Variants in MED13 observed in about 807,000 individuals in gnomAD.
MED13 encodes mediator of RNA polymerase II transcription subunit 13.
Under a neutral mutation model 225.2 loss-of-function variants are expected in MED13, and 23 were observed. The observed-to-expected ratio is 0.10, with a 90% CI of 0.07 to 0.14. MED13 has a LOEUF of 0.14. MED13 is among the 10% of genes least tolerant of loss of function. The pLI is 1.00. For synonymous variants in MED13, 942 were observed against 889.2 expected, an observed-to-expected ratio of 1.06 and a Z score of -1.06; for missense variants, 2,197 against 2,594.5, an observed-to-expected ratio of 0.85 and a Z score of 3.33.
At chr17:62,029,467 T>C in intron 8 of MED13, 74 bp downstream of exon 8, 1 of 1,120,060 alleles carries the variant, frequency 8.9e-7, no homozygotes, top group East Asian at 2.4e-5. Flanking sequence ...CTGTTTCAAA[T>C]AAAGTGGGCA....
At chr17:62,023,278 T>C (rs1377993548) in intron 8 of MED13, among the ~76,000 whole-genome samples, 4 of 152,216 alleles carry the variant, frequency 2.6e-5, no homozygotes, top group Non-Finnish European at 5.9e-5. Flanking sequence ...TCCAGACCTA[T>C]CTTTCACACA....
chr17:62,057,103 G>A (rs912624592), intron 2 of MED13, among the ~76,000 whole-genome samples: 11 of 151,950 alleles, frequency 7.2e-5, no homozygotes, highest in East Asian at 1.9e-4. Flanking sequence ...ATATCTCCAC[G>A]GTGGTAAAAA....
At chr17:61,979,182 T>C (rs1215044959) in intron 16 of MED13, among the ~76,000 whole-genome samples, 1 of 152,240 alleles carries the variant, frequency 6.6e-6, no homozygotes, top group African/African-American at 2.4e-5. Context: ...CTTCTGGGAC[T>C]TGTTCCCTCT....
intron 13 of MED13, 31 bp downstream of exon 13, chr17:61,984,969 T>C (rs1280646273): frequency 1.2e-6 from 2 of 1,607,220 alleles, no homozygotes; most frequent in African/African-American, 2.7e-5. Context: ...AGTTCGCAAA[T>C]TTATCTCGAG....
intron 9 of MED13, among the ~76,000 whole-genome samples, chr17:61,997,666 A>C (rs1243589439): frequency 1.3e-5 from 2 of 152,198 alleles, no homozygotes; most frequent in African/African-American, 4.8e-5. Context: ...TGGCAAAGTC[A>C]GAAATGAAAA....
At position 61,944,099 on chromosome 17, in the gene MED13, T is replaced by C. The variant is rs2079834549; in HGVS notation, c.*2369A>G. ...TATGAAGGGAAGAAAAAAAATCTTA[T>C]CAATAAATCCTGTATATTTGGGAAC... On this transcript the variant is annotated 3_prime_UTR_variant, in exon 30 of 30. Transcript: ENST00000397786. The C allele has an allele frequency of 6.6e-6, 1 of 152,556 alleles. No individual in the cohort carries two copies. Among genetic ancestry groups the C allele is most frequent in the Non-Finnish European group, 1.5e-5 (1 of 67,996 alleles). The allele number at this position is 152,556 out of a possible 1,614,324, so 9.5% of individuals were successfully genotyped here. A position where few individuals can be genotyped will look rare whatever the true frequency, so the allele number is the denominator to read the frequency against.
intron 17 of MED13, 82 bp from the exon 18 acceptor site, chr17:61,968,340 T>TATTTATTG: frequency 9.5e-7 from 1 of 1,051,246 alleles, no homozygotes. Context: ...TTTATTTATT[T>TATTTATTG]TTTGAGACAG....
chr17:62,060,706 A>AT (rs1196183842), intron 2 of MED13, among the ~76,000 whole-genome samples: 197 of 144,034 alleles, frequency 1.4e-3, no homozygotes, highest in East Asian at 6.9e-3. Context: ...ATCACTATCT[A>AT]TTTTTTTTTT....
intron 7 of MED13, 64 bp from the exon 8 acceptor site, chr17:62,029,715 C>T: frequency 1.3e-6 from 2 of 1,530,338 alleles, no homozygotes; most frequent in Non-Finnish European, 1.8e-6. Context: ...CTCAATGTAG[C>T]ATTGAAATTA....
At chr17:61,959,713 A>G (rs1425573439) in intron 23 of MED13, among the ~76,000 whole-genome samples, 1 of 150,038 alleles carries the variant, frequency 6.7e-6, no homozygotes, top group East Asian at 2.0e-4. Flanking sequence ...AAAATAAACG[A>G]TAGAACCCAA....
chr17:61,981,358 T>C (rs892725388), intron 16 of MED13, among the ~76,000 whole-genome samples: 3 of 152,140 alleles, frequency 2.0e-5, no homozygotes, highest in African/African-American at 4.8e-5. Flanking sequence ...ATAAGGATCA[T>C]GTTACTTTCC....
intron 2 of MED13, among the ~76,000 whole-genome samples, chr17:62,056,163 T>C (rs1235854706): frequency 2.6e-5 from 4 of 152,252 alleles, no homozygotes; most frequent in Non-Finnish European, 5.9e-5. Context: ...TTTTTGGTTT[T>C]GTTGGGAATC....
At chr17:62,043,155 C>CAAA (rs2080868043) in intron 3 of MED13, among the ~76,000 whole-genome samples, 1 of 15,420 alleles carries the variant, frequency 6.5e-5, no homozygotes, top group Non-Finnish European at 1.0e-4. Context: ...GACCCTGTCT[C>CAAA]CAAAAAAAAA....
At chr17:61,984,057 T>C (rs537083158) in intron 15 of MED13, 114 bp downstream of exon 15, 16 of 757,904 alleles carry the variant, frequency 2.1e-5, no homozygotes, top group Non-Finnish European at 2.3e-5. Context: ...CCAGAAATAA[T>C]TTTTAGAATT....
At chr17:62,059,287 A>G (rs1244922866) in intron 2 of MED13, among the ~76,000 whole-genome samples, 1 of 152,240 alleles carries the variant, frequency 6.6e-6, no homozygotes, top group Non-Finnish European at 1.5e-5. Context: ...AAACAAAGGC[A>G]ATTCTGTATT....
chr17:61,968,950 C>T (rs947411068), intron 17 of MED13, among the ~76,000 whole-genome samples: 20 of 151,940 alleles, frequency 1.3e-4, no homozygotes, highest in African/African-American at 4.8e-4. Flanking sequence ...TGGGATCTTG[C>T]TGTGTTGCCC....
intron 3 of MED13, among the ~76,000 whole-genome samples, chr17:62,048,064 GTATATATGTATATA>G (rs2080917702): frequency 8.9e-6 from 1 of 112,906 alleles, no homozygotes; most frequent in African/African-American, 4.3e-5. Flanking sequence ...ATATATATAT[GTATATATGTATATA>G]TATATCCCTG....
At chr17:61,980,654 C>A (rs1368207969) in intron 16 of MED13, among the ~76,000 whole-genome samples, 2 of 152,100 alleles carry the variant, frequency 1.3e-5, no homozygotes, top group Non-Finnish European at 2.9e-5. Flanking sequence ...TCTAAGCTAC[C>A]ATCATCTTTC....
intron 3 of MED13, among the ~76,000 whole-genome samples, chr17:62,048,802 T>C (rs1303785064): frequency 6.6e-6 from 1 of 152,088 alleles, no homozygotes; most frequent in African/African-American, 2.4e-5. Context: ...CCCCAGATCA[T>C]TCACTCTAGT....
Sources: gnomAD v4.1 joint callset for allele counts (sites outside exome capture counted in the v4.1 genomes callset) on GRCh38, gnomAD v4.1.1 for gene constraint, MANE v1.5 for transcripts, NCBI Gene and HGNC (gene_info 2026-07-23, HGNC 2026-07-21) for gene names.